Variants in AKAP6 observed in about 807,000 individuals in gnomAD.
AKAP6 encodes the protein A-kinase anchor protein 6.
A neutral mutation model predicts 188.5 loss-of-function variants in AKAP6; 58 were observed. That is an observed-to-expected ratio of 0.31 (90% CI 0.25 to 0.38). The LOEUF (loss-of-function observed/expected upper bound fraction) is 0.38, where lower values mean the gene tolerates loss of function less well. Among genes scored for constraint, AKAP6 ranks in the 10% least tolerant of loss-of-function variants. AKAP6 has a pLI of 1.00. For synonymous variants in AKAP6, 989 were observed against 998.6 expected (o/e 0.99, Z 0.18); for missense variants, 2,710 against 2,740.0 (o/e 0.99, Z 0.24).
intron 7 of AKAP6, among the ~76,000 whole-genome samples, chr14:32,620,909 T>G (rs1195352467): frequency 6.6e-6 from 1 of 151,956 alleles, no homozygotes. Flanking sequence ...ATAAGTTCCC[T>G]GGAATTTATC....
chr14:32,372,767 GCT>G (rs1491371143), intron 1 of AKAP6, among the ~76,000 whole-genome samples: 39 of 63,396 alleles, frequency 6.2e-4, no homozygotes, highest in African/African-American at 2.4e-3. Context: ...TCTTTTTGTT[GCT>G]CTGTGTGTGT....
At chr14:32,375,712 C>T (rs1888137549) in intron 1 of AKAP6, among the ~76,000 whole-genome samples, 1 of 152,036 alleles carries the variant, frequency 6.6e-6, no homozygotes, top group Admixed American at 6.6e-5. Flanking sequence ...CTGTTAACAA[C>T]CCTATTTTAT....
chr14:32,728,521 T>G (rs1268471776), intron 9 of AKAP6, among the ~76,000 whole-genome samples: 1 of 152,126 alleles, frequency 6.6e-6, no homozygotes, highest in Non-Finnish European at 1.5e-5. Flanking sequence ...CTAGATCATT[T>G]TCCTTGTTTT....
intron 4 of AKAP6, among the ~76,000 whole-genome samples, chr14:32,575,968 A>G (rs972629559): frequency 6.6e-6 from 1 of 152,040 alleles, no homozygotes; most frequent in Admixed American, 6.6e-5. Flanking sequence ...ACTCTCCACA[A>G]TTCCATTTTC....
In AKAP6 at chr14:32,401,587, G is replaced by A. The variant is rs116355241; in HGVS notation, c.-34-31873G>A. Among the ~76,000 whole-genome samples, 153 of 152,124 alleles carry A rather than the reference G, an allele frequency of 1.0e-3. 1 individual carries two copies. The highest frequency in any genetic ancestry group is 3.5e-3 in the African/African-American group (147 of 41,466). On this transcript the variant is annotated intron_variant, in intron 1 of 13. Coordinates refer to ENST00000280979, the MANE Select transcript of AKAP6 (RefSeq NM_004274.5). Reference sequence around the variant, plus strand: ...AACTTTCATCTCATTTCTACATGTGGGACTGCAGGATCCATTTCTAGTTGA... The same window carrying A: ...AACTTTCATCTCATTTCTACATGTGAGACTGCAGGATCCATTTCTAGTTGA...
chr14:32,720,994 A>G (rs1018870127), intron 9 of AKAP6, among the ~76,000 whole-genome samples: 1 of 152,202 alleles, frequency 6.6e-6, no homozygotes, highest in African/African-American at 2.4e-5. Flanking sequence ...AAAGGAGAAA[A>G]CTGAGTTTCA....
intron 7 of AKAP6, among the ~76,000 whole-genome samples, chr14:32,644,051 A>G (rs1210209232): frequency 6.6e-6 from 1 of 152,120 alleles, no homozygotes; most frequent in Non-Finnish European, 1.5e-5. Flanking sequence ...CATAATTTTG[A>G]CTTATGAAAG....
intron 12 of AKAP6, among the ~76,000 whole-genome samples, chr14:32,804,239 G>C (rs548770878): frequency 6.6e-6 from 1 of 152,264 alleles, no homozygotes; most frequent in South Asian, 2.1e-4. Flanking sequence ...ACTTCCAGCT[G>C]TTCTCTACAC....
At chr14:32,748,169 T>C (rs1475862334) in intron 11 of AKAP6, among the ~76,000 whole-genome samples, 1 of 152,180 alleles carries the variant, frequency 6.6e-6, no homozygotes, top group Non-Finnish European at 1.5e-5. Context: ...AAGAACATAA[T>C]TGCAAAGGTA....
At chr14:32,354,295 C>CAA (rs796950806) in intron 1 of AKAP6, among the ~76,000 whole-genome samples, 117 of 136,254 alleles carry the variant, frequency 8.6e-4, no homozygotes, top group African/African-American at 2.8e-3. Flanking sequence ...AGCCCTGTCT[C>CAA]AAAAAAAAAA....
chr14:32,404,787 A>G (rs1304851957), intron 1 of AKAP6, among the ~76,000 whole-genome samples: 22 of 146,658 alleles, frequency 1.5e-4, no homozygotes, highest in African/African-American at 5.5e-4. Flanking sequence ...AACTAAATTT[A>G]TAAAGGTGTG....
chr14:32,586,503 T>G (rs540896306), intron 5 of AKAP6, among the ~76,000 whole-genome samples: 1 of 152,222 alleles, frequency 6.6e-6, no homozygotes, highest in South Asian at 2.1e-4. Context: ...GGCGCGTGTC[T>G]GTAGTCCCAG....
At chr14:32,480,889 T>G (rs73267311) in intron 2 of AKAP6, among the ~76,000 whole-genome samples, 2 of 152,222 alleles carry the variant, frequency 1.3e-5, no homozygotes, top group East Asian at 3.9e-4. Flanking sequence ...GATTAATATA[T>G]GGTAAAGACA....
intron 2 of AKAP6, among the ~76,000 whole-genome samples, chr14:32,466,847 T>TATATATATATATATATATATATATATA (rs1555331133): frequency 1.2e-4 from 9 of 77,834 alleles, no homozygotes; most frequent in African/African-American, 2.4e-4. Context: ...ATATATATAT[T>TATATATATATATATATATATATATATA]TTCTTTCTTA....
chr14:32,798,041 A>G (rs1356184938), intron 12 of AKAP6, among the ~76,000 whole-genome samples: 1 of 152,146 alleles, frequency 6.6e-6, no homozygotes, highest in African/African-American at 2.4e-5. Flanking sequence ...ACTTAAATCA[A>G]CAAGAAAATA....
chr14:32,395,908 T>C (rs1888864564), intron 1 of AKAP6, among the ~76,000 whole-genome samples: 1 of 152,212 alleles, frequency 6.6e-6, no homozygotes, highest in South Asian at 2.1e-4. Flanking sequence ...GACCCACTGT[T>C]ATTTATCATT....
intron 2 of AKAP6, among the ~76,000 whole-genome samples, chr14:32,516,861 GA>G (rs1377243344): frequency 6.6e-6 from 1 of 152,130 alleles, no homozygotes; most frequent in Non-Finnish European, 1.5e-5. Flanking sequence ...ATGGTGGTCT[GA>G]AAAATCTTTT....
chr14:32,571,491 C>T (rs776930006), intron 4 of AKAP6, among the ~76,000 whole-genome samples: 20 of 152,094 alleles, frequency 1.3e-4, no homozygotes, highest in Non-Finnish European at 1.2e-4. Flanking sequence ...GATCATGCCG[C>T]TGCACTCTAG....
chr14:32,620,686 G>A (rs536212909), intron 7 of AKAP6, among the ~76,000 whole-genome samples: 4 of 152,056 alleles, frequency 2.6e-5, no homozygotes, highest in Non-Finnish European at 5.9e-5. Flanking sequence ...CATAGAATGA[G>A]TTAGAGAGGA....
Sources: gnomAD v4.1 joint callset for allele counts (sites outside exome capture counted in the v4.1 genomes callset) on GRCh38, gnomAD v4.1.1 for gene constraint, MANE v1.5 for transcripts, NCBI Gene and HGNC (gene_info 2026-07-23, HGNC 2026-07-21) for gene names.